Variants in MGAT4A observed in about 807,000 individuals in gnomAD.
MGAT4A encodes the protein N-acetylglucosaminyltransferase IVa.
MGAT4A carries 33 observed loss-of-function variants against 74.1 expected under a neutral mutation model. The ratio of observed to expected loss-of-function variants is 0.45; its 90% CI spans 0.34 to 0.60. The LOEUF (loss-of-function observed/expected upper bound fraction) is 0.60. MGAT4A is among the 20% of genes least tolerant of loss of function. MGAT4A has a pLI of 0.02. For missense variants in MGAT4A, 479 were observed against 628.3 expected (o/e 0.76, Z 2.54); for synonymous variants, 198 against 210.4 (o/e 0.94, Z 0.51).
rs142537374 is a variant in MGAT4A, at chr2:98,643,964, G to C, written c.979C>G (p.His327Asp). 11 of 1,575,606 alleles carry C rather than the reference G, an allele frequency of 7.0e-6. No homozygotes were observed. Among genetic ancestry groups the C allele is most frequent in the Non-Finnish European group, 8.7e-6 (10 of 1,154,978 alleles). The change falls in exon 10 of 16, where the codon CAT (histidine) becomes GAT (aspartate). Residue 327 changes from histidine (H) to aspartate (D), a missense_variant. Physicochemically the swap from His to Asp is moderately conservative, Grantham distance 81. This residue lies in a region of MGAT4A where 236 missense variants were observed against 308.2 expected (regional missense o/e 0.77). Transcript: ENST00000393487. ...TTGCAGACTTTCACCCAGAGAATATGGTCCAGGAGCCAATCAATGGGTTTC... is the reference window on the plus strand; with the variant it reads ...TTGCAGACTTTCACCCAGAGAATATCGTCCAGGAGCCAATCAATGGGTTTC... ...KEKPIDWLLD[H>D]ILWVKVCNPE...
At chr2:98,700,318 A>G (rs1260058200) in intron 2 of MGAT4A, among the ~76,000 whole-genome samples, 4 of 148,488 alleles carry the variant, frequency 2.7e-5, no homozygotes, top group Non-Finnish European at 5.9e-5. Flanking sequence ...TATAATATAT[A>G]CTATATATAA....
rs1701115145 is a variant in MGAT4A at position 98,624,527 on chromosome 2, T to A, written c.*1039A>T. ...AATATATTTCACCAAAAAACAATAT[T>A]ACAATTTTCTTTAAAATTATACCAA... On this transcript the variant is annotated 3_prime_UTR_variant, in exon 16 of 16. Coordinates refer to ENST00000393487, the MANE Select transcript of MGAT4A (RefSeq NM_012214.3). 3.1e-6 allele frequency: 3 copies of A among 973,986 alleles called. No individual in the cohort carries two copies. The highest frequency in any genetic ancestry group is 3.7e-6 in the Non-Finnish European group (3 of 819,634). The allele number at this position is 973,986 out of a possible 1,614,324, so 60.3% of individuals were successfully genotyped here. A position where few individuals can be genotyped will look rare whatever the true frequency, so the allele number is the denominator to read the frequency against.
Position 98,625,345 on chromosome 2 carries a change from A to G in MGAT4A, c.*221T>C. The G allele has an allele frequency of 7.5e-7, 1 of 1,332,054 alleles. No homozygotes were observed. Among genetic ancestry groups the G allele is most frequent in the East Asian group, 2.9e-5 (1 of 34,812 alleles). 82.5% of individuals were successfully genotyped at this position (1,332,054 alleles called of 1,614,324 possible). On this transcript the variant is annotated 3_prime_UTR_variant, in exon 16 of 16. Coordinates refer to ENST00000393487, the MANE Select transcript of MGAT4A (RefSeq NM_012214.3). ...ACAAGTCATATTAACAGGCTGTCAT[A>G]ATTGAAAAATGTTTGAGTCAAGTTA...
intron 2 of MGAT4A, among the ~76,000 whole-genome samples, chr2:98,688,124 C>T (rs934114146): frequency 2.0e-5 from 3 of 152,170 alleles, no homozygotes; most frequent in African/African-American, 7.2e-5. Flanking sequence ...AGGTCCGCCG[C>T]ACCCAAATTT....
chr2:98,667,287 A>G (rs1701848443), intron 4 of MGAT4A, among the ~76,000 whole-genome samples: 1 of 152,144 alleles, frequency 6.6e-6, no homozygotes, highest in Non-Finnish European at 1.5e-5. Context: ...TGGTACCAGG[A>G]GAGTGGGGCA....
rs993315433 is a variant in MGAT4A, at chr2:98,671,629, T to A, written c.403+3406A>T. ...TTTCCGTCTTCTGGAATATTCTTTT[T>A]TTCCCCATTGTGATGGAGAGAATAA... On this transcript the variant is annotated intron_variant, in intron 4 of 15. Transcript: ENST00000393487. Among the ~76,000 whole-genome samples, 3 of 152,182 alleles carry A rather than the reference T, an allele frequency of 2.0e-5. No individual in the cohort carries two copies. In the South Asian group the frequency reaches 6.2e-4, roughly 31 times the overall value.
Position 98,633,369 on chromosome 2 carries a change from A to ATAT in MGAT4A, c.1468+1852_1468+1853insATA, listed in dbSNP as rs138007163. On this transcript the variant is annotated intron_variant, in intron 14 of 15. Transcript: ENST00000393487. ...CCCCGAGCTGGGGGTACTGTGAGTG[A>ATAT]TAAGGCTGGTCCTGGCTCCCTCCCC... Among the ~76,000 whole-genome samples, 70 of 152,322 alleles carry ATAT rather than the reference A, an allele frequency of 4.6e-4. No homozygotes were observed. In the East Asian group the frequency reaches 0.012, roughly 26 times the overall value.
chr2:98,654,849 TA>T (rs1302075209), intron 8 of MGAT4A, among the ~76,000 whole-genome samples: 1 of 151,718 alleles, frequency 6.6e-6, no homozygotes, highest in Admixed American at 6.6e-5. Flanking sequence ...AAAATAGTCT[TA>T]AAAAAAAGGG....
intron 2 of MGAT4A, among the ~76,000 whole-genome samples, chr2:98,707,755 G>A (rs993170462): frequency 1.3e-5 from 2 of 152,200 alleles, no homozygotes; most frequent in Admixed American, 1.3e-4. Flanking sequence ...AGCATCTGGA[G>A]AGGTCAATCA....
intron 1 of MGAT4A, among the ~76,000 whole-genome samples, chr2:98,729,854 G>A (rs554160969): frequency 6.6e-6 from 1 of 152,272 alleles, no homozygotes; most frequent in South Asian, 2.1e-4. Flanking sequence ...AATCCATGAC[G>A]TAAGCCTATA....
At chr2:98,678,603 A>G (rs1702013197) in intron 2 of MGAT4A, 132 bp from the exon 3 acceptor site, 2 of 439,554 alleles carry the variant, frequency 4.6e-6, no homozygotes, top group Non-Finnish European at 7.3e-6. Flanking sequence ...TACAGAACTG[A>G]AAAAAAAAGG....
rs201807355 is a variant in MGAT4A at position 98,636,952 on chromosome 2, T to TACTGCTG, written c.1323-364_1323-358dup. Among the ~76,000 whole-genome samples the TACTGCTG allele has an allele frequency of 4.7e-3, 721 of 152,298 alleles. 4 individuals carry two copies. The highest frequency in any genetic ancestry group is 0.024 in the Middle Eastern group (7 of 294). The stretch of plus-strand genomic sequence containing the variant: ...CCAGAAAATTATAACACCTATATAA[T>TACTGCTG]ACTGCTGTATCTTATATCAGAAAAA... On this transcript the variant is annotated intron_variant, in intron 12 of 15. Transcript: ENST00000393487.
chr2:98,653,283 C>A (rs1311949192), intron 8 of MGAT4A, among the ~76,000 whole-genome samples: 1 of 116,496 alleles, frequency 8.6e-6, no homozygotes, highest in Non-Finnish European at 1.8e-5. Flanking sequence ...AAACTAAACC[C>A]AAAATTAGCA....
At chr2:98,645,602 ATAT>A (rs1260270068) in intron 8 of MGAT4A, 60 bp from the exon 9 acceptor site, 19 of 1,196,862 alleles carry the variant, frequency 1.6e-5, no homozygotes, top group African/African-American at 3.2e-5. Flanking sequence ...TGAGAGAAGG[ATAT>A]TATTATGGAA....
chr2:98,716,289 G>C (rs966791076), intron 2 of MGAT4A, among the ~76,000 whole-genome samples: 1 of 152,126 alleles, frequency 6.6e-6, no homozygotes, highest in African/African-American at 2.4e-5. Context: ...ACACTACTTC[G>C]CTCCAGCCTG....
chr2:98,659,868 C>T (rs777127468), intron 5 of MGAT4A, among the ~76,000 whole-genome samples: 30 of 151,874 alleles, frequency 2.0e-4, no homozygotes, highest in Non-Finnish European at 3.7e-4. Context: ...TTAAATACAG[C>T]GATAACTTAT....
intron 8 of MGAT4A, 134 bp downstream of exon 8, chr2:98,655,311 C>T (rs1302412711): frequency 1.6e-6 from 1 of 621,918 alleles, no homozygotes; most frequent in Admixed American, 3.4e-5. Context: ...GGAGACCCCT[C>T]TGCTCTGAGA....
intron 6 of MGAT4A, among the ~76,000 whole-genome samples, chr2:98,657,299 C>G (rs995493148): frequency 6.6e-6 from 1 of 152,268 alleles, no homozygotes; most frequent in Middle Eastern, 3.4e-3. Context: ...TTTGTCTGAG[C>G]TTGGTTTTCT....
intron 2 of MGAT4A, among the ~76,000 whole-genome samples, chr2:98,688,643 C>G (rs961310819): frequency 4.5e-4 from 68 of 152,220 alleles, no homozygotes; most frequent in African/African-American, 1.6e-3. Flanking sequence ...CAGCCAACAA[C>G]AAGCCTGGGC....
Sources: gnomAD v4.1 joint callset for allele counts (sites outside exome capture counted in the v4.1 genomes callset) on GRCh38, gnomAD v4.1.1 for gene constraint, gnomAD v4.1.1 regional missense constraint, MANE v1.5 for transcripts, NCBI Gene and HGNC (gene_info 2026-07-23, HGNC 2026-07-21) for gene names.